The following POLR2F variants were observed in gnomAD, a reference collection of about 807,000 sequenced individuals.
POLR2F encodes the protein RNA polymerase II, I and III subunit F, also known as DNA-directed RNA polymerases I, II, and III subunit RPABC2.
A neutral mutation model predicts 22.7 loss-of-function variants in POLR2F; 12 were observed. That is an observed-to-expected ratio of 0.53 (90% CI 0.34 to 0.86). The LOEUF (loss-of-function observed/expected upper bound fraction) is 0.86, where lower values mean the gene tolerates loss of function less well. Ranked by LOEUF, POLR2F falls within the 40% of genes least tolerant of loss-of-function variation. The pLI is 0.02. For missense variants in POLR2F, 126 were observed against 171.5 expected (o/e 0.73, Z 1.48); for synonymous variants, 57 against 66.0 (o/e 0.86, Z 0.66).
chr22:37,987,488 C>T (rs55695726), intron 1 of POLR2F: 2 of 292,940 alleles, frequency 6.8e-6, no homozygotes, highest in Non-Finnish European at 1.3e-5. Flanking sequence ...TGTGTTCCCC[C>T]ACTGGGTCCC....
intron 5 of POLR2F, among the ~76,000 whole-genome samples, chr22:38,036,626 G>A (rs111561571): frequency 3.3e-5 from 5 of 151,472 alleles, no homozygotes; most frequent in South Asian, 4.2e-4. Flanking sequence ...GATGGGAGAC[G>A]GGGTAAGGAG....
chr22:38,011,804 T>G (rs2084874049), intron 1 of POLR2F, among the ~76,000 whole-genome samples: 1 of 147,082 alleles, frequency 6.8e-6, no homozygotes, highest in Non-Finnish European at 1.5e-5. Context: ...TTGCTGGCAT[T>G]TTTTTTTTTC....
Position 38,041,033 on chromosome 22 carries a change from G to A in POLR2F, c.453-35G>A, listed in dbSNP as rs753255752. The A allele has an allele frequency of 4.3e-6, 7 of 1,612,744 alleles. No homozygotes were observed. In the Admixed American group the frequency reaches 1.2e-4, roughly 27 times the overall value. On this transcript the variant is annotated intron_variant, in intron 5 of 5. Transcript: ENST00000407936. ...TGTCATCCTCAACACAGTGAAGGAA[G>A]ACGGCACCGTAGTTATCCCTGTGTT... is the stretch of plus-strand genomic sequence containing the variant.
downstream of POLR2F, among the ~76,000 whole-genome samples, chr22:38,027,357 G>A (rs549545716): frequency 6.6e-5 from 10 of 152,196 alleles, no homozygotes; most frequent in South Asian, 4.1e-4. Flanking sequence ...GTGTAGAGGC[G>A]TGAAATGGAG....
In POLR2F at chr22:37,986,713, G is replaced by A; in HGVS notation, c.120+401G>A. 2.0e-6 allele frequency: 1 copy of A among 502,868 alleles called. No individual in the cohort carries two copies. The highest frequency in any genetic ancestry group is 3.9e-6 in the Non-Finnish European group (1 of 258,142). The allele number at this position is 502,868 out of a possible 1,614,324, so 31.2% of individuals were successfully genotyped here. On this transcript the variant is annotated intron_variant, in intron 1 of 2. Coordinates refer to the POLR2F transcript ENST00000333418. This position sits in a 1 kb window ranked among gnomAD's most constrained non-coding sequence, Gnocchi z 4.7. ...GGCAGGTGGGCCTGCAGGGCGGGTG[G>A]GAAGGGCTGTCAGATGACCAGTGCT...
chr22:37,985,532 G>A (rs1932544249), upstream of POLR2F, among the ~76,000 whole-genome samples: 1 of 152,108 alleles, frequency 6.6e-6, no homozygotes, highest in African/African-American at 2.4e-5. Context: ...TCTCTTAACT[G>A]AGGGCAGCCC....
intron 5 of POLR2F, among the ~76,000 whole-genome samples, chr22:38,035,267 G>A (rs566696619): frequency 2.6e-4 from 39 of 152,268 alleles, no homozygotes; most frequent in South Asian, 6.2e-4. Context: ...AACAACAGGC[G>A]CCTCCGAGGC....
rs1309044997 is a variant in POLR2F at position 37,987,303 on chromosome 22, C to T, written c.120+991C>T. 8.8e-6 allele frequency: 4 copies of T among 456,568 alleles called. No homozygotes were observed. The Admixed American group carries it at 9.4e-5, about 11-fold the overall frequency. The allele number at this position is 456,568 out of a possible 1,614,324, so 28.3% of individuals were successfully genotyped here. A position where few individuals can be genotyped will look rare whatever the true frequency, so the allele number is the denominator to read the frequency against. On this transcript the variant is annotated intron_variant, in intron 1 of 2. Coordinates refer to the POLR2F transcript ENST00000333418. ...TTTGTTAAGGCAGGTCCCGGATTTA[C>T]TCAGAAGATGGGCCCCAGAGAGGAG...
In POLR2F at chr22:37,986,429, G is replaced by A; in HGVS notation, c.120+117G>A. On this transcript the variant is annotated intron_variant, in intron 1 of 2. Transcript: ENST00000333418. The surrounding 1 kb of genome is among the most constrained non-coding windows in gnomAD (Gnocchi z 4.7). ...CCCGCCTGGGGCAGGAGGGGTGGTT[G>A]TGGAAGGAAAGAGCCCAGAGTTAGG... 1 of 1,531,896 alleles carries A rather than the reference G, an allele frequency of 6.5e-7. No individual in the cohort carries two copies. The highest frequency in any genetic ancestry group is 1.2e-5 in the South Asian group (1 of 83,754). The allele number at this position is 1,531,896 out of a possible 1,614,324, so 94.9% of individuals were successfully genotyped here. A position where few individuals can be genotyped will look rare whatever the true frequency, so the allele number is the denominator to read the frequency against.
intron 1 of POLR2F, among the ~76,000 whole-genome samples, chr22:37,995,434 A>G (rs995392203): frequency 6.6e-6 from 1 of 152,072 alleles, no homozygotes; most frequent in Non-Finnish European, 1.5e-5. Context: ...GATCACCTAA[A>G]GCTCATGTCT....
chr22:37,986,234 G>T lies in POLR2F; in HGVS notation c.44G>T (p.Cys15Phe). 6.5e-7 allele frequency: 1 copy of T among 1,541,082 alleles called. No individual in the cohort carries two copies. The highest frequency in any genetic ancestry group is 8.7e-7 in the Non-Finnish European group (1 of 1,147,248). ...ACGAGGGACGAGCATCTGCCGTCGT[G>T]TCCCGGCTGCCCTGCAGTCGCCTCC... is the stretch of plus-strand genomic sequence containing the variant. Residue 15 changes from cysteine to phenylalanine, a missense_variant, in exon 1 of 3, where the codon TGT becomes TTT. Transcript: ENST00000333418. The surrounding 1 kb of genome is among the most constrained non-coding windows in gnomAD (Gnocchi z 4.7).
chr22:38,003,005 G>A (rs1295945155), intron 1 of POLR2F, among the ~76,000 whole-genome samples: 2 of 152,048 alleles, frequency 1.3e-5, no homozygotes, highest in Admixed American at 6.6e-5. Context: ...GATTACAGGC[G>A]TGACCCACCG....
At chr22:38,022,199 G>A (rs2084965703) in intron 1 of POLR2F, among the ~76,000 whole-genome samples, 1 of 151,424 alleles carries the variant, frequency 6.6e-6, no homozygotes, top group African/African-American at 2.4e-5. Flanking sequence ...GAGTATTGAA[G>A]CCATTATTAA....
upstream of POLR2F, chr22:37,984,918 G>A (rs2145779705): frequency 6.6e-6 from 1 of 152,444 alleles, no homozygotes; most frequent in Non-Finnish European, 1.5e-5. This position sits in a 1 kb window ranked among gnomAD's most constrained non-coding sequence, Gnocchi z 4.4. Flanking sequence ...GGAGAGACGT[G>A]AAGGCGGTGA....
At position 37,990,869 on chromosome 22, in the gene POLR2F, C is replaced by T. The variant is rs74646975; in HGVS notation, c.120+4557C>T. ...GTATTTCAAAACAAGAGGCCCGTGC[C>T]TGATCCAGTGTTTGCAAGGTGATGC... On this transcript the variant is annotated intron_variant, in intron 1 of 2. Transcript: ENST00000333418. Among the ~76,000 whole-genome samples, 1,343 of 152,384 alleles carry T rather than the reference C, an allele frequency of 8.8e-3. 8 individuals carry two copies. The highest frequency in any genetic ancestry group is 0.034 in the Middle Eastern group (10 of 294).
chr22:38,021,617 C>G (rs2145820978), intron 1 of POLR2F, among the ~76,000 whole-genome samples: 1 of 152,172 alleles, frequency 6.6e-6, no homozygotes, highest in East Asian at 2.0e-4. Flanking sequence ...CCACCATGCC[C>G]AGTTACTTTT....
At chr22:37,989,190 C>T (rs1932669518) in intron 1 of POLR2F, among the ~76,000 whole-genome samples, 1 of 152,188 alleles carries the variant, frequency 6.6e-6, no homozygotes, top group Non-Finnish European at 1.5e-5. Flanking sequence ...ATTAACCTCT[C>T]AGGACTCGGC....
chr22:37,983,157 G>A (rs146368084), upstream of POLR2F, among the ~76,000 whole-genome samples: 67 of 152,366 alleles, frequency 4.4e-4, no homozygotes, highest in East Asian at 0.013. The surrounding 1 kb of genome is among the most constrained non-coding windows in gnomAD (Gnocchi z 9.5). Flanking sequence ...GGGAGACCCG[G>A]CCTAGGCCGC....
At chr22:38,030,705 A>G (rs932795812), downstream of POLR2F, among the ~76,000 whole-genome samples, 1 of 152,198 alleles carries the variant, frequency 6.6e-6, no homozygotes, top group African/African-American at 2.4e-5. Flanking sequence ...TGATTCAGGC[A>G]CATCCTCACT....
Sources: gnomAD v4.1 joint callset for allele counts (sites outside exome capture counted in the v4.1 genomes callset) on GRCh38, gnomAD v4.1.1 for gene constraint, Gnocchi (gnomAD v3.1) non-coding constraint, MANE v1.5 for transcripts, NCBI Gene and HGNC (gene_info 2026-07-23, HGNC 2026-07-21) for gene names.